The following TG variants were observed in gnomAD, a reference collection of about 807,000 sequenced individuals.
TG encodes thyroid hormones.
TG carries 270 observed loss-of-function variants against 324.7 expected under a neutral mutation model. The ratio of observed to expected loss-of-function variants is 0.83; its 90% confidence interval spans 0.75 to 0.92. TG has a LOEUF of 0.92. Among genes scored for constraint, TG ranks in the 40% least tolerant of loss-of-function variants. TG has a pLI of 0.00. For missense variants in TG, 3,591 were observed against 3,456.4 expected, an observed-to-expected ratio of 1.04 and a Z score of -0.98; for synonymous variants, 1,401 against 1,327.0, an observed-to-expected ratio of 1.06 and a Z score of -1.21.
chr8:132,923,433 T>C lies in TG; in HGVS notation c.4624T>C (p.Phe1542Leu). ...GAAGGACAGGGGCAGTGGGAAGGCCTTCTGTGTGGACGGCGAGGGGCGGAG... is the reference window on the plus strand; with the variant it reads ...GAAGGACAGGGGCAGTGGGAAGGCCCTCTGTGTGGACGGCGAGGGGCGGAG... ...SQKDRGSGKAFCVDGEGRRLP... is the reference protein window; with the variant it reads ...SQKDRGSGKALCVDGEGRRLP... Residue 1542 changes from phenylalanine to leucine, a missense_variant, in exon 22 of 48, where the codon TTC becomes CTC. Phe to Leu is a conservative substitution (Grantham distance 22). Transcript: ENST00000220616. 6.2e-7 allele frequency: 1 copy of C among 1,614,072 alleles called. No individual in the cohort carries two copies. Among genetic ancestry groups the C allele is most frequent in the Non-Finnish European group, 8.5e-7 (1 of 1,180,022 alleles).
rs750621312 is a variant in TG at position 132,908,223 on chromosome 8, C to G, written c.3885C>G (p.His1295Gln). The change falls in exon 18 of 48, where the codon CAC becomes CAG. Residue 1295 changes from histidine (H) to glutamine (Q), a missense_variant. Coordinates refer to ENST00000220616, the MANE Select transcript of TG (RefSeq NM_003235.5). ...GGCAGACCATCCAGACCCAAGGGCA[C>G]TTTCAGCTCCAGCTCCCGCCGGGCA... ...QLWQTIQTQG[H>Q]FQLQLPPGKM... The G allele has an allele frequency of 6.2e-7, 1 of 1,614,052 alleles. No homozygotes were observed. The highest frequency in any genetic ancestry group is 2.2e-5 in the East Asian group (1 of 44,846).
chr8:132,919,785 C>T (rs1193682419), intron 21 of TG, among the ~76,000 whole-genome samples: 6 of 152,176 alleles, frequency 3.9e-5, no homozygotes, highest in Admixed American at 3.9e-4. Flanking sequence ...AGCAAAATTG[C>T]CTACCTGTGA....
chr8:133,030,032 T>C lies in TG; in HGVS notation c.7239+9T>C, dbSNP rs1380511580. 1 of 1,614,162 alleles carries C rather than the reference T, an allele frequency of 6.2e-7. No individual in the cohort carries two copies. The highest frequency in any genetic ancestry group is 1.1e-5 in the South Asian group (1 of 91,080). Reference sequence around the variant, plus strand: ...GGAGAGCTGTGCTGATGGTAAGTGGTGTGTGTTCTACCTTCAGTCTTACTG... The same window carrying C: ...GGAGAGCTGTGCTGATGGTAAGTGGCGTGTGTTCTACCTTCAGTCTTACTG... On this transcript the variant is annotated intron_variant, in intron 41 of 47. Coordinates refer to ENST00000220616, the MANE Select transcript of TG (RefSeq NM_003235.5).
intron 11 of TG, among the ~76,000 whole-genome samples, chr8:132,897,238 G>A (rs1817250855): frequency 6.6e-6 from 1 of 152,108 alleles, no homozygotes; most frequent in African/African-American, 2.4e-5. Context: ...CCATTAAATG[G>A]GATAACATGA....
At chr8:133,092,285 C>G (rs147257596) in intron 41 of TG, among the ~76,000 whole-genome samples, 10 of 152,332 alleles carry the variant, frequency 6.6e-5, no homozygotes, top group Non-Finnish European at 1.5e-4. Flanking sequence ...GGTCAAGGCA[C>G]CTTACCATGT....
intron 43 of TG, among the ~76,000 whole-genome samples, chr8:133,098,607 G>A (rs1848792922): frequency 1.3e-5 from 2 of 152,178 alleles, no homozygotes; most frequent in African/African-American, 4.8e-5. Flanking sequence ...GGCCATCTTC[G>A]ACTTTTGAAA....
Position 132,948,826 on chromosome 8 carries a change from G to A in TG, c.5284G>A (p.Val1762Ile). ...LSSPSVLLCNVKDWMDPSEAW... is the reference protein window; with the variant it reads ...LSSPSVLLCNIKDWMDPSEAW... ...CTCACCCAGTGTCCTGCTTTGTAAT[G>A]TCAAAGACTGGATGGATCCCTCTGA... Residue 1762 changes from valine to isoleucine, a missense_variant, in exon 27 of 48, where the codon GTC (valine) becomes ATC (isoleucine). By Grantham distance (29) the Val-to-Ile change is conservative (BLOSUM62 3). Coordinates refer to ENST00000220616, the MANE Select transcript of TG (RefSeq NM_003235.5). The A allele has an allele frequency of 6.2e-7, 1 of 1,613,974 alleles. No homozygotes were observed. Among genetic ancestry groups the A allele is most frequent in the Non-Finnish European group, 8.5e-7 (1 of 1,180,040 alleles).
chr8:132,891,492 G>A (rs957581461), intron 10 of TG, among the ~76,000 whole-genome samples: 2 of 151,982 alleles, frequency 1.3e-5, no homozygotes, highest in African/African-American at 4.8e-5. Context: ...GCACCATCAC[G>A]CCCAGCTAAT....
At chr8:133,016,688 G>C (rs1410558576) in intron 37 of TG, among the ~76,000 whole-genome samples, 1 of 152,202 alleles carries the variant, frequency 6.6e-6, no homozygotes, top group Non-Finnish European at 1.5e-5. Flanking sequence ...ACACACACTT[G>C]AAGTATCTCT....
In TG at chr8:132,971,901, C is replaced by T. The variant is rs1423621940; in HGVS notation, c.6055+28C>T. ...AATAATGGTAACAACTTCCTCTCCC[C>T]TGCGCACAGTACTCTGCAGTTTAGA... On this transcript the variant is annotated intron_variant, in intron 33 of 47. Transcript: ENST00000220616. 8.4e-6 allele frequency: 12 copies of T among 1,427,788 alleles called. No homozygotes were observed. The Admixed American group carries it at 2.0e-4, about 24-fold the overall frequency. The allele number at this position is 1,427,788 out of a possible 1,614,324, so 88.4% of individuals were successfully genotyped here. A position where few individuals can be genotyped will look rare whatever the true frequency, so the allele number is the denominator to read the frequency against.
chr8:132,871,398 A>G lies in TG; in HGVS notation c.325A>G (p.Ile109Val), dbSNP rs35301433. ...ACAGCAGATCTTACTGAGTGGCTAC[A>G]TTAACAGCACAGACACCTCCTACCT... Reference protein sequence around the residue: ...QKQQILLSGYINSTDTSYLPQ... With the variant: ...QKQQILLSGYVNSTDTSYLPQ... The change falls in exon 4 of 48, where the codon ATT (isoleucine) becomes GTT (valine). Residue 109 changes from isoleucine (I) to valine (V), a missense_variant. Transcript: ENST00000220616. 4.8e-3 allele frequency: 7,744 copies of G among 1,614,210 alleles called. 31 individuals are homozygous for G. Among genetic ancestry groups the G allele is most frequent in the South Asian group, 5.7e-3 (521 of 91,086 alleles).
intron 36 of TG, 92 bp downstream of exon 36, chr8:133,012,127 C>A: frequency 6.4e-7 from 1 of 1,553,762 alleles, no homozygotes; most frequent in Non-Finnish European, 8.8e-7. Flanking sequence ...ACATGAGACA[C>A]TACGATAACC....
rs7830370 is a variant in TG, at chr8:133,082,732, G to A, written c.7240-12312G>A. On this transcript the variant is annotated intron_variant, in intron 41 of 47. Transcript: ENST00000220616. ...GTGTGCTTGAACAGCACAAAATGAC[G>A]GTAGGATCTGTAACAGCATTATGAT... 2.4e-4 allele frequency among the ~76,000 whole-genome samples: 37 copies of A among 152,214 alleles called. 1 individual carries two copies. Among genetic ancestry groups the A allele is most frequent in the South Asian group, 1.2e-3 (6 of 4,826 alleles).
intron 27 of TG, among the ~76,000 whole-genome samples, chr8:132,960,344 A>C (rs898597813): frequency 6.6e-6 from 1 of 152,128 alleles, no homozygotes; most frequent in East Asian, 1.9e-4. Context: ...AGACTCTGCT[A>C]TCTGGGCTAT....
chr8:132,924,930 C>G (rs1821620087), intron 22 of TG, among the ~76,000 whole-genome samples: 1 of 152,180 alleles, frequency 6.6e-6, no homozygotes, highest in African/African-American at 2.4e-5. Context: ...CTGCAAGGTC[C>G]CTTAATCCTG....
intron 45 of TG, among the ~76,000 whole-genome samples, chr8:133,131,582 G>T (rs541237312): frequency 1.3e-5 from 2 of 152,276 alleles, no homozygotes; most frequent in East Asian, 3.9e-4. Flanking sequence ...TTCCGTGTTG[G>T]TCTCACTTTA....
chr8:132,908,020 G>A (rs1328613497), intron 17 of TG, among the ~76,000 whole-genome samples, 166 bp from the exon 18 acceptor site: 4 of 152,196 alleles, frequency 2.6e-5, no homozygotes, highest in Non-Finnish European at 5.9e-5. Context: ...TCAGAGACAA[G>A]CTGTTATGCT....
intron 35 of TG, chr8:133,002,728 TG>T: frequency 8.0e-6 from 2 of 251,154 alleles, no homozygotes. Context: ...ACCCTTCTCT[TG>T]GGCTTCTTTT....
intron 41 of TG, chr8:133,047,904 T>A: frequency 6.2e-7 from 1 of 1,612,032 alleles, no homozygotes; most frequent in Non-Finnish European, 8.5e-7. Context: ...CTCCTCGGCC[T>A]TGTCTCTGCC....
Sources: allele counts gnomAD v4.1 joint callset (sites outside exome capture counted in the v4.1 genomes callset), GRCh38; gene constraint gnomAD v4.1.1; transcripts MANE v1.5; gene names NCBI Gene and HGNC (gene_info 2026-07-23, HGNC 2026-07-21).